The following TAF1B variants were observed in gnomAD, a reference collection of about 807,000 sequenced individuals.
The protein encoded by TAF1B is TATA box-binding protein-associated factor RNA polymerase I subunit B.
TAF1B carries 61 observed loss-of-function variants against 83.9 expected under a neutral mutation model. That is an observed-to-expected ratio of 0.73 (90% CI 0.59 to 0.90). TAF1B has a LOEUF of 0.90. TAF1B is among the 40% of genes least tolerant of loss of function. The pLI is 0.00. For missense variants in TAF1B, 625 were observed against 677.0 expected, an observed-to-expected ratio of 0.92 and a Z score of 0.85; for synonymous variants, 221 against 224.6, an observed-to-expected ratio of 0.98 and a Z score of 0.14.
chr2:9,910,768 A>G lies in TAF1B; in HGVS notation c.988A>G (p.Lys330Glu). ...GCATAGCTTAACTTGCCACGTGGTAAAAATGACTGGAATGGGAGAAGTGGA... is the reference window on the plus strand; with the variant it reads ...GCATAGCTTAACTTGCCACGTGGTAGAAATGACTGGAATGGGAGAAGTGGA... ...EMHSLTCHVV[K>E]MTGMGEVDFL... Residue 330 changes from lysine to glutamate, a missense_variant, in exon 10 of 15, where the codon AAA becomes GAA. By Grantham distance (56) the Lys-to-Glu change is moderately conservative. Transcript: ENST00000263663. 1 of 1,612,184 alleles carries G rather than the reference A, an allele frequency of 6.2e-7. No individual in the cohort carries two copies. Among genetic ancestry groups the G allele is most frequent in the African/African-American group, 1.3e-5 (1 of 75,020 alleles).
chr2:9,908,709 T>G (rs1414094659), intron 9 of TAF1B, among the ~76,000 whole-genome samples: 1 of 152,240 alleles, frequency 6.6e-6, no homozygotes, highest in African/African-American at 2.4e-5. Flanking sequence ...AGGTGACACC[T>G]GTAAATTGAA....
At chr2:9,858,473 G>T (rs1465951024) in intron 5 of TAF1B, among the ~76,000 whole-genome samples, 4 of 152,210 alleles carry the variant, frequency 2.6e-5, no homozygotes, top group Non-Finnish European at 5.9e-5. Flanking sequence ...TCTGCAAGAC[G>T]ATGGCCCTCT....
Position 9,845,247 on chromosome 2 carries a change from T to C in TAF1B, c.46T>C (p.Cys16Arg). 1.2e-6 allele frequency: 2 copies of C among 1,613,982 alleles called. No homozygotes were observed. Among genetic ancestry groups the C allele is most frequent in the Non-Finnish European group, 1.7e-6 (2 of 1,179,864 alleles). The change falls in exon 2 of 15, where the codon TGT (cysteine) becomes CGT (arginine). Residue 16 changes from cysteine (C) to arginine (R), a missense_variant. Transcript: ENST00000263663. ...AEEFKERCTQCAAVSWGLTDE... is the reference protein window; with the variant it reads ...AEEFKERCTQRAAVSWGLTDE... ...AGAGTTTAAAGAACGCTGTACTCAG[T>C]GTGCTGCTGTCTCATGGGGTCTTAC... is the stretch of plus-strand genomic sequence containing the variant.
intron 11 of TAF1B, among the ~76,000 whole-genome samples, chr2:9,912,484 G>A (rs1462176334): frequency 2.6e-5 from 4 of 152,126 alleles, no homozygotes; most frequent in South Asian, 2.1e-4. Flanking sequence ...ACTACTTTCT[G>A]TACATTGCTC....
In TAF1B at chr2:9,910,638, A is replaced by G. The variant is rs371507682; in HGVS notation, c.956-98A>G. ...AAAATGTGGGTCTCTGAGTTCTTGC[A>G]TAGTGTCGTGTTTTAAGATAAAGGT... is the stretch of plus-strand genomic sequence containing the variant. On this transcript the variant is annotated intron_variant, in intron 9 of 14. Coordinates refer to ENST00000263663, the MANE Select transcript of TAF1B (RefSeq NM_005680.3). 16 of 1,041,876 alleles carry G rather than the reference A, an allele frequency of 1.5e-5. No homozygotes were observed. The Middle Eastern group carries it at 7.2e-4, about 47-fold the overall frequency. 64.5% of individuals were successfully genotyped at this position (1,041,876 alleles called of 1,614,324 possible).
At chr2:9,866,650 G>A (rs554558974) in intron 5 of TAF1B, among the ~76,000 whole-genome samples, 6 of 152,194 alleles carry the variant, frequency 3.9e-5, no homozygotes, top group Middle Eastern at 3.4e-3. Context: ...TGGTTATTGC[G>A]GCACTATTCA....
rs190872633 is a variant in TAF1B, at chr2:9,849,914, G to T, written c.205+454G>T. 1.4e-3 allele frequency among the ~76,000 whole-genome samples: 206 copies of T among 152,200 alleles called. 4 individuals are homozygous for T. The highest frequency in any genetic ancestry group is 0.013 in the Admixed American group (206 of 15,286). ...TCTAACTGATGGTTTTTATTTTTGT[G>T]ACTAGGTAGCTAGGACCAAATCCCC... On this transcript the variant is annotated intron_variant, in intron 3 of 14. Transcript: ENST00000263663.
intron 14 of TAF1B, among the ~76,000 whole-genome samples, chr2:9,923,948 T>C (rs1665959620): frequency 6.6e-6 from 1 of 152,224 alleles, no homozygotes; most frequent in African/African-American, 2.4e-5. Flanking sequence ...TATGTCGTGA[T>C]CCGTACCTTT....
intron 8 of TAF1B, among the ~76,000 whole-genome samples, chr2:9,885,394 C>A (rs1664642889): frequency 6.6e-6 from 1 of 152,154 alleles, no homozygotes; most frequent in Non-Finnish European, 1.5e-5. Flanking sequence ...AATAATTGAT[C>A]CTCCACATGA....
chr2:9,915,644 G>A (rs1278585861), intron 12 of TAF1B, among the ~76,000 whole-genome samples: 2 of 152,160 alleles, frequency 1.3e-5, no homozygotes, highest in African/African-American at 4.8e-5. Flanking sequence ...CATTCCCAGT[G>A]TGGGAATTCA....
intron 4 of TAF1B, 36 bp from the exon 5 acceptor site, chr2:9,854,290 C>G (rs1387840564): frequency 6.7e-7 from 1 of 1,492,664 alleles, no homozygotes; most frequent in Non-Finnish European, 9.3e-7. Context: ...TTGTCATAAC[C>G]TGAATCACCC....
intron 12 of TAF1B, among the ~76,000 whole-genome samples, chr2:9,916,837 C>CTTT (rs371475463): frequency 1.0e-5 from 1 of 95,720 alleles, no homozygotes; most frequent in Non-Finnish European, 2.3e-5. Flanking sequence ...CCTTTCTGTT[C>CTTT]TTTTTTTTTT....
intron 4 of TAF1B, among the ~76,000 whole-genome samples, chr2:9,852,922 C>G (rs1423806874): frequency 1.3e-5 from 2 of 152,172 alleles, no homozygotes; most frequent in Non-Finnish European, 2.9e-5. Flanking sequence ...ACAGAACAAC[C>G]ACGATTTCAG....
At chr2:9,875,044 T>C (rs995968356) in intron 6 of TAF1B, among the ~76,000 whole-genome samples, 3 of 151,924 alleles carry the variant, frequency 2.0e-5, no homozygotes, top group African/African-American at 7.3e-5. Context: ...CTCGGCTCAC[T>C]GCAACCTCCC....
In TAF1B at chr2:9,919,898, A is replaced by T. The variant is rs1021712895; in HGVS notation, c.1565+78A>T. On this transcript the variant is annotated intron_variant, in intron 14 of 14. Transcript: ENST00000263663. ...AGAGCCAGATAGGTTTTTTGTTGGA[A>T]TTAGAAGCTGGTGAGCTTAAAGTCA... The T allele has an allele frequency of 2.2e-6, 3 of 1,381,290 alleles. No individual in the cohort carries two copies. The African/African-American group carries it at 4.4e-5, about 20-fold the overall frequency. 85.6% of individuals were successfully genotyped at this position (1,381,290 alleles called of 1,614,324 possible).
chr2:9,852,133 C>A, intron 4 of TAF1B: 1 of 425,378 alleles, frequency 2.4e-6, no homozygotes, highest in African/African-American at 2.0e-5. Flanking sequence ...GAAAAAACAC[C>A]AATCACTGGA....
intron 12 of TAF1B, among the ~76,000 whole-genome samples, chr2:9,917,917 A>G (rs1665732549): frequency 6.6e-6 from 1 of 151,872 alleles, no homozygotes; most frequent in South Asian, 2.1e-4. Flanking sequence ...CTAAAAATAC[A>G]AAAAATTAGC....
At chr2:9,870,041 TTTTG>T (rs1390418631) in intron 6 of TAF1B, among the ~76,000 whole-genome samples, 1 of 152,204 alleles carries the variant, frequency 6.6e-6, no homozygotes, top group African/African-American at 2.4e-5. Context: ...AAAGAATTTA[TTTTG>T]TTTTTGTAAA....
In TAF1B at chr2:9,919,176, G is replaced by A. The variant is rs973355363; in HGVS notation, c.1342+65G>A. Reference sequence around the variant, plus strand: ...CAGTTGTAGAAAAATTAAATATCTGGACTTGAAATGTTGAATGCTTAAGTT... The same window carrying A: ...CAGTTGTAGAAAAATTAAATATCTGAACTTGAAATGTTGAATGCTTAAGTT... On this transcript the variant is annotated intron_variant, in intron 13 of 14. Transcript: ENST00000263663. 1.0e-5 allele frequency: 14 copies of A among 1,371,508 alleles called. No individual in the cohort carries two copies. In the South Asian group the frequency reaches 1.7e-4, roughly 16 times the overall value. 85.0% of individuals were successfully genotyped at this position (1,371,508 alleles called of 1,614,324 possible). A position where few individuals can be genotyped will look rare whatever the true frequency, so the allele number is the denominator to read the frequency against.
Sources: gnomAD v4.1 joint callset for allele counts (sites outside exome capture counted in the v4.1 genomes callset) on GRCh38, gnomAD v4.1.1 for gene constraint, MANE v1.5 for transcripts, NCBI Gene and HGNC (gene_info 2026-07-23, HGNC 2026-07-21) for gene names.